Variants in ZC3H3 observed in about 807,000 individuals in gnomAD.
ZC3H3 encodes zinc finger CCCH domain-containing protein 3.
In ZC3H3, 36 loss-of-function variants were observed where a neutral mutation model predicts 77.3. That is an observed-to-expected ratio of 0.47 (90% CI 0.36 to 0.61). ZC3H3 has a LOEUF of 0.61. Among genes scored for constraint, ZC3H3 ranks in the 20% least tolerant of loss-of-function variants. ZC3H3 has a pLI of 0.00. For missense variants in ZC3H3, 1,331 were observed against 1,312.2 expected, an observed-to-expected ratio of 1.01 and a Z score of -0.22; for synonymous variants, 626 against 555.2, an observed-to-expected ratio of 1.13 and a Z score of -1.79.
chr8:143,508,235 GACAGTATCCGCA>G (rs1821767765), intron 3 of ZC3H3, among the ~76,000 whole-genome samples: 1 of 152,212 alleles, frequency 6.6e-6, no homozygotes, highest in South Asian at 2.1e-4. Flanking sequence ...GAGTCCCCTA[GACAGTATCCGCA>G]ACAGGGGGAC....
At chr8:143,471,731 C>T (rs1320925592) in intron 5 of ZC3H3, among the ~76,000 whole-genome samples, 1 of 152,170 alleles carries the variant, frequency 6.6e-6, no homozygotes, top group Admixed American at 6.5e-5. Flanking sequence ...GGCCCAGAGC[C>T]CAGGGGGTCA....
chr8:143,476,774 C>A (rs934838052), intron 4 of ZC3H3, among the ~76,000 whole-genome samples: 1 of 152,226 alleles, frequency 6.6e-6, no homozygotes, highest in Admixed American at 6.5e-5. Context: ...CAGGGCTGTG[C>A]CCCTGCTCTA....
In ZC3H3 at chr8:143,536,981, C is replaced by T. The variant is rs528950961; in HGVS notation, c.1365-528G>A. Among the ~76,000 whole-genome samples, 81 of 151,816 alleles carry T rather than the reference C, an allele frequency of 5.3e-4. 1 individual carries two copies. Among genetic ancestry groups the T allele is most frequent in the Non-Finnish European group, 2.5e-4 (17 of 67,966 alleles). On this transcript the variant is annotated intron_variant, in intron 2 of 11. Coordinates refer to ENST00000262577, the MANE Select transcript of ZC3H3 (RefSeq NM_015117.3). ...CAGGAGTGGGAGCCGGGTGCCCATGCGCCTCAACACGGCACCTATCTGGGG... is the reference window on the plus strand; with the variant it reads ...CAGGAGTGGGAGCCGGGTGCCCATGTGCCTCAACACGGCACCTATCTGGGG...
intron 4 of ZC3H3, among the ~76,000 whole-genome samples, chr8:143,489,350 G>C (rs1427313093): frequency 6.6e-6 from 1 of 152,216 alleles, no homozygotes; most frequent in East Asian, 1.9e-4. Context: ...TGGGTAGGGT[G>C]GGGTGGGGGA....
intron 4 of ZC3H3, among the ~76,000 whole-genome samples, chr8:143,486,349 C>T (rs1821052447): frequency 6.6e-6 from 1 of 152,238 alleles, no homozygotes; most frequent in Non-Finnish European, 1.5e-5. Flanking sequence ...AGGCTGGGGC[C>T]GCACCGAGGC....
chr8:143,539,343 C>A, intron 1 of ZC3H3, 23 bp from the exon 2 acceptor site: 1 of 1,573,242 alleles, frequency 6.4e-7, no homozygotes, highest in Non-Finnish European at 8.6e-7. Context: ...AACCACAGGC[C>A]CAGTTAGCCA....
chr8:143,523,361 G>C (rs975413027), intron 3 of ZC3H3: 1 of 985,422 alleles, frequency 1.0e-6, no homozygotes, highest in East Asian at 1.1e-4. Context: ...TCCCACAAGA[G>C]CAGGCAGCTT....
chr8:143,463,539 G>T (rs1230685588), intron 9 of ZC3H3, among the ~76,000 whole-genome samples: 2 of 152,238 alleles, frequency 1.3e-5, no homozygotes, highest in South Asian at 4.1e-4. Flanking sequence ...GACGCCGGCC[G>T]CGGATCAGAA....
intron 3 of ZC3H3, among the ~76,000 whole-genome samples, chr8:143,531,705 C>T (rs1414883433): frequency 6.6e-6 from 1 of 152,210 alleles, no homozygotes; most frequent in Non-Finnish European, 1.5e-5. Flanking sequence ...AATGAACGCA[C>T]CTTGTCCCAA....
rs1464993017 is a variant in ZC3H3, at chr8:143,494,342, A to G, written c.1715+13404T>C. Among the ~76,000 whole-genome samples, 1 of 152,196 alleles carries G rather than the reference A, an allele frequency of 6.6e-6. No individual in the cohort carries two copies. The highest frequency in any genetic ancestry group is 1.5e-5 in the Non-Finnish European group (1 of 68,018). ...GTGAGTGAGCAGCTCAGGCTACGGG[A>G]CCGGTGGCAGCCCGCCAGCCCTCCC... On this transcript the variant is annotated intron_variant, in intron 4 of 11. Coordinates refer to ENST00000262577, the MANE Select transcript of ZC3H3 (RefSeq NM_015117.3). The surrounding 1 kb of genome is among the most constrained non-coding windows in gnomAD (Gnocchi z 5.3).
chr8:143,440,411 G>A (rs1475363502), intron 10 of ZC3H3, 48 bp from the exon 11 acceptor site: 2 of 1,490,454 alleles, frequency 1.3e-6, no homozygotes, highest in African/African-American at 1.4e-5. Flanking sequence ...GACGGGTGGG[G>A]ATCCCAGCGA....
At chr8:143,511,203 C>G (rs375346807) in intron 3 of ZC3H3, among the ~76,000 whole-genome samples, 1 of 152,302 alleles carries the variant, frequency 6.6e-6, no homozygotes, top group African/African-American at 2.4e-5. Context: ...CCCAATGACG[C>G]ATCATCAGGA....
intron 9 of ZC3H3, among the ~76,000 whole-genome samples, chr8:143,459,162 C>A (rs1403910192): frequency 6.6e-6 from 1 of 152,150 alleles, no homozygotes; most frequent in East Asian, 1.9e-4. Context: ...CAAAACCAGA[C>A]AAAGACACTA....
intron 4 of ZC3H3, among the ~76,000 whole-genome samples, chr8:143,481,813 T>A (rs1820916138): frequency 6.6e-6 from 1 of 152,194 alleles, no homozygotes; most frequent in Non-Finnish European, 1.5e-5. Context: ...GTTCTCCCCA[T>A]GAGGGGCCTC....
In ZC3H3 at chr8:143,465,684, C is replaced by T. The variant is rs201324282; in HGVS notation, c.2307+33G>A. 3.6e-5 allele frequency: 58 copies of T among 1,610,628 alleles called. No homozygotes were observed. In the African/African-American group the frequency reaches 5.9e-4, roughly 16 times the overall value. On this transcript the variant is annotated intron_variant, in intron 9 of 11. Transcript: ENST00000262577. ...GCAGAGGACCAACAAGCCACAGGAA[C>T]CCCGCCCACTCGGGCCCCCACAGAC...
chr8:143,538,304 C>G lies in ZC3H3; in HGVS notation c.1063G>C (p.Ala355Pro). The change falls in exon 2 of 12, where the codon GCT (alanine) becomes CCT (proline). Residue 355 changes from alanine to proline, a missense_variant. Ala to Pro is a conservative substitution (Grantham distance 27). Around this residue, in one of 3 missense-constraint regions of ZC3H3, gnomAD observed 978 missense variants for 915.5 expected, o/e 1.07. Coordinates refer to ENST00000262577, the MANE Select transcript of ZC3H3 (RefSeq NM_015117.3). ...TTCCTGGGCTTGGGCTCTGGGTCAG[C>G]TATGAGCTGCGGCTTCTCCACCTTG... Reference protein sequence around the residue: ...ANKVEKPQLIADPEPKPRKPA... With the variant: ...ANKVEKPQLIPDPEPKPRKPA... The G allele has an allele frequency of 1.9e-6, 3 of 1,613,000 alleles. No homozygotes were observed. The highest frequency in any genetic ancestry group is 2.5e-6 in the Non-Finnish European group (3 of 1,180,036).
At position 143,468,196 on chromosome 8, in the gene ZC3H3, G is replaced by A. The variant is rs1820464281; in HGVS notation, c.2175+13C>T. 6.2e-7 allele frequency: 1 copy of A among 1,609,152 alleles called. No homozygotes were observed. Among genetic ancestry groups the A allele is most frequent in the Non-Finnish European group, 8.5e-7 (1 of 1,177,198 alleles). On this transcript the variant is annotated intron_variant, in intron 8 of 11. Transcript: ENST00000262577. ...AAGGTGCACGGGAGCAGGGCCACCA[G>A]CGCCGCACTCACCTTCTCCTTGGAC...
Position 143,442,118 on chromosome 8 carries a change from C to G in ZC3H3, c.2308-998G>C, listed in dbSNP as rs75365155. ...AGAATCTGGGATCCCAGGTACTGCT[C>G]CTGTACCTGGGGCTGGCCGTGAGCA... On this transcript the variant is annotated intron_variant, in intron 9 of 11. Coordinates refer to ENST00000262577, the MANE Select transcript of ZC3H3 (RefSeq NM_015117.3). 6.3e-3 allele frequency among the ~76,000 whole-genome samples: 956 copies of G among 152,144 alleles called. 10 individuals are homozygous for G. The highest frequency in any genetic ancestry group is 0.022 in the African/African-American group (910 of 41,502).
intron 3 of ZC3H3, among the ~76,000 whole-genome samples, chr8:143,535,288 C>T (rs1822757694): frequency 6.6e-6 from 1 of 152,328 alleles, no homozygotes. Context: ...ATCTTCCCAC[C>T]TTGGCCTCCC....
Sources: allele counts gnomAD v4.1 joint callset (sites outside exome capture counted in the v4.1 genomes callset), GRCh38; gene constraint gnomAD v4.1.1; regional missense constraint gnomAD v4.1.1; non-coding constraint Gnocchi (gnomAD v3.1); transcripts MANE v1.5; gene names NCBI Gene and HGNC (gene_info 2026-07-23, HGNC 2026-07-21).